Variants in CA10 observed in about 807,000 individuals in gnomAD.
CA10 encodes carbonic anhydrase-related protein 10.
A neutral mutation model predicts 44.2 loss-of-function variants in CA10; 14 were observed. That is an observed-to-expected ratio of 0.32 (90% CI 0.21 to 0.50). The LOEUF (loss-of-function observed/expected upper bound fraction) is 0.50, where lower values mean the gene tolerates loss of function less well. Among genes scored for constraint, CA10 ranks in the 20% least tolerant of loss-of-function variants. The pLI is 0.99. For missense variants in CA10, 350 were observed against 409.7 expected, an observed-to-expected ratio of 0.85 and a Z score of 1.26; for synonymous variants, 159 against 141.6, an observed-to-expected ratio of 1.12 and a Z score of -0.87.
chr17:51,652,228 T>C (rs1913599540), intron 5 of CA10, among the ~76,000 whole-genome samples: 1 of 152,236 alleles, frequency 6.6e-6, no homozygotes, highest in Admixed American at 6.5e-5. Flanking sequence ...ATAATTTTAC[T>C]CATCTGTAAG....
At chr17:51,832,555 G>A (rs1448244544) in intron 3 of CA10, among the ~76,000 whole-genome samples, 1 of 152,090 alleles carries the variant, frequency 6.6e-6, no homozygotes, top group Non-Finnish European at 1.5e-5. Context: ...GGTAAGTGTT[G>A]GGCAGAATCA....
intron 1 of CA10, among the ~76,000 whole-genome samples, chr17:52,115,328 G>A (rs1988870052): frequency 2.6e-5 from 4 of 152,180 alleles, no homozygotes. Context: ...CCAAGCTAAG[G>A]AGCAAAAAAT....
intron 3 of CA10, among the ~76,000 whole-genome samples, chr17:51,814,510 TA>T (rs2143746521): frequency 6.6e-6 from 1 of 152,356 alleles, no homozygotes; most frequent in African/African-American, 2.4e-5. Context: ...AAGGCTGTTG[TA>T]AGTCCTGCGG....
intron 4 of CA10, among the ~76,000 whole-genome samples, chr17:51,737,005 G>C (rs549289264): frequency 1.3e-5 from 2 of 152,268 alleles, no homozygotes; most frequent in Admixed American, 1.3e-4. Flanking sequence ...GCAGAATTGA[G>C]AGGAACTGGA....
At chr17:51,941,716 C>A (rs1157795900) in intron 2 of CA10, among the ~76,000 whole-genome samples, 1 of 151,976 alleles carries the variant, frequency 6.6e-6, no homozygotes, top group Non-Finnish European at 1.5e-5. Flanking sequence ...AATTAAATGC[C>A]AGAAAAAAAT....
At chr17:51,936,115 T>A in intron 2 of CA10, among the ~76,000 whole-genome samples, 1 of 152,186 alleles carries the variant, frequency 6.6e-6, no homozygotes, top group Non-Finnish European at 1.5e-5. Context: ...AAGCATTTAC[T>A]GACAGCCTCT....
At chr17:51,803,449 G>A (rs568658894) in intron 3 of CA10, among the ~76,000 whole-genome samples, 5 of 152,160 alleles carry the variant, frequency 3.3e-5, no homozygotes, top group African/African-American at 9.6e-5. Flanking sequence ...TCCAAATCCC[G>A]GCTTCTCAGT....
At chr17:51,798,266 G>T (rs569046645) in intron 3 of CA10, among the ~76,000 whole-genome samples, 2 of 152,198 alleles carry the variant, frequency 1.3e-5, no homozygotes, top group Admixed American at 6.5e-5. Flanking sequence ...ACGTTATTTA[G>T]GTGGGCACCT....
At chr17:51,652,652 T>TG (rs1280605990) in intron 5 of CA10, among the ~76,000 whole-genome samples, 1 of 152,214 alleles carries the variant, frequency 6.6e-6, no homozygotes, top group African/African-American at 2.4e-5. Flanking sequence ...GAAGTGCCTA[T>TG]GGCACGGGGT....
At chr17:51,968,493 A>G (rs1014059619) in intron 2 of CA10, among the ~76,000 whole-genome samples, 1 of 151,946 alleles carries the variant, frequency 6.6e-6, no homozygotes, top group African/African-American at 2.4e-5. Context: ...TCAAAGGTTG[A>G]CTATTGTATA....
chr17:51,692,423 C>CTATCTATT (rs1915242445), intron 4 of CA10, among the ~76,000 whole-genome samples: 1 of 89,192 alleles, frequency 1.1e-5, no homozygotes, highest in Non-Finnish European at 2.9e-5. Context: ...ATCTATCTAT[C>CTATCTATT]TATTTTACCA....
At chr17:51,882,029 CCA>C (rs1980398525) in intron 3 of CA10, among the ~76,000 whole-genome samples, 1 of 149,640 alleles carries the variant, frequency 6.7e-6, no homozygotes, top group Non-Finnish European at 1.5e-5. Context: ...CATCAATAGC[CCA>C]CAGTTGAATA....
At chr17:51,867,281 A>G (rs1156840360) in intron 3 of CA10, among the ~76,000 whole-genome samples, 1 of 152,172 alleles carries the variant, frequency 6.6e-6, no homozygotes, top group Non-Finnish European at 1.5e-5. Flanking sequence ...AAAAAGCATG[A>G]TTTTCAAGGA....
At chr17:51,979,408 G>C (rs1314992211) in intron 2 of CA10, among the ~76,000 whole-genome samples, 4 of 152,034 alleles carry the variant, frequency 2.6e-5, no homozygotes, top group Admixed American at 2.0e-4. Flanking sequence ...ATTGGGGTTT[G>C]TTGTACAGAT....
intron 1 of CA10, among the ~76,000 whole-genome samples, chr17:52,087,686 T>C (rs922970087): frequency 6.6e-6 from 1 of 152,210 alleles, no homozygotes; most frequent in Non-Finnish European, 1.5e-5. Context: ...GTAATTATCT[T>C]ATACAGAAAT....
intron 2 of CA10, among the ~76,000 whole-genome samples, chr17:52,027,642 T>C (rs1317958673): frequency 6.6e-6 from 1 of 152,160 alleles, no homozygotes; most frequent in Non-Finnish European, 1.5e-5. Context: ...CAACTCTCCT[T>C]ACAGAAGCCA....
In CA10 at chr17:51,710,275, C is replaced by T. The variant is rs16950421; in HGVS notation, c.465+37358G>A. The stretch of plus-strand genomic sequence containing the variant: ...TCAGGAGGGACCAAAGTCAGCTTGC[C>T]AGAAAATCTTTTTGAAGGCAGCAGA... On this transcript the variant is annotated intron_variant, in intron 4 of 8. Transcript: ENST00000451037. Among the ~76,000 whole-genome samples, 615 of 152,234 alleles carry T rather than the reference C, an allele frequency of 4.0e-3. 7 individuals are homozygous for T. Among genetic ancestry groups the T allele is most frequent in the African/African-American group, 0.014 (575 of 41,532 alleles).
chr17:51,692,305 CTG>C (rs1296512097), intron 4 of CA10, among the ~76,000 whole-genome samples: 2 of 147,150 alleles, frequency 1.4e-5, no homozygotes, highest in Non-Finnish European at 3.0e-5. Context: ...AGATTGATCA[CTG>C]TTAACATATA....
intron 2 of CA10, among the ~76,000 whole-genome samples, chr17:51,967,100 G>A (rs527708504): frequency 1.7e-4 from 25 of 151,474 alleles, no homozygotes; most frequent in East Asian, 1.2e-3. Context: ...AATTCTCAGC[G>A]TCACTAATCA....
Sources: gnomAD v4.1 joint callset for allele counts (sites outside exome capture counted in the v4.1 genomes callset) on GRCh38, gnomAD v4.1.1 for gene constraint, MANE v1.5 for transcripts, NCBI Gene and HGNC (gene_info 2026-07-23, HGNC 2026-07-21) for gene names.